Variants in EPB41L5 observed in about 807,000 individuals in gnomAD.
EPB41L5 encodes the protein band 4.1-like protein 5.
A neutral mutation model predicts 106.6 loss-of-function variants in EPB41L5; 55 were observed. That is an observed-to-expected ratio of 0.52 (90% CI 0.42 to 0.65). The LOEUF (loss-of-function observed/expected upper bound fraction) is 0.65. Ranked by LOEUF, EPB41L5 falls within the 30% of genes least tolerant of loss-of-function variation. EPB41L5 has a pLI of 0.00. For missense variants in EPB41L5, 871 were observed against 882.1 expected (o/e 0.99, Z 0.16); for synonymous variants, 297 against 306.7 (o/e 0.97, Z 0.33).
chr2:120,111,920 G>A (rs1300860886), intron 16 of EPB41L5, among the ~76,000 whole-genome samples: 2 of 151,902 alleles, frequency 1.3e-5, no homozygotes, highest in African/African-American at 4.8e-5. Context: ...TCTTATACTT[G>A]CTCAAACATA....
At chr2:120,062,797 G>A (rs1251678855) in intron 3 of EPB41L5, among the ~76,000 whole-genome samples, 2 of 151,962 alleles carry the variant, frequency 1.3e-5, no homozygotes, top group African/African-American at 4.8e-5. Context: ...AAAGGTTTAA[G>A]TGAGGTCTAG....
At chr2:120,105,311 T>G in intron 16 of EPB41L5, 2 of 958,696 alleles carry the variant, frequency 2.1e-6, no homozygotes, top group Non-Finnish European at 2.5e-6. Context: ...TTTTAAACTA[T>G]GTACATAGAA....
intron 20 of EPB41L5, among the ~76,000 whole-genome samples, chr2:120,153,094 G>A (rs2105517754): frequency 6.6e-6 from 1 of 152,106 alleles, no homozygotes; most frequent in East Asian, 1.9e-4. Flanking sequence ...TGTAAAGTTA[G>A]GTTATTGATT....
In EPB41L5 at chr2:120,091,761, G is replaced by A. The variant is rs1683427550; in HGVS notation, c.1150+100G>A. 4.6e-6 allele frequency: 4 copies of A among 868,618 alleles called. No individual in the cohort carries two copies. The South Asian group carries it at 5.2e-5, about 11-fold the overall frequency. The allele number at this position is 868,618 out of a possible 1,614,324, so 53.8% of individuals were successfully genotyped here. A position where few individuals can be genotyped will look rare whatever the true frequency, so the allele number is the denominator to read the frequency against. On this transcript the variant is annotated intron_variant, in intron 13 of 24. Coordinates refer to ENST00000263713, the MANE Select transcript of EPB41L5 (RefSeq NM_020909.4). ...GGAAGTTACCTGAATCTCCTCCTCA[G>A]GTCTGTTCCAGTCAACTAAAGTACT...
At chr2:120,159,390 C>T (rs1184948234) in intron 20 of EPB41L5, among the ~76,000 whole-genome samples, 7 of 146,064 alleles carry the variant, frequency 4.8e-5, no homozygotes, top group Admixed American at 1.4e-4. Context: ...GCCACTGCAC[C>T]CCAGCCTGGG....
chr2:120,113,105 C>A (rs1403300332), intron 16 of EPB41L5, among the ~76,000 whole-genome samples: 1 of 152,192 alleles, frequency 6.6e-6, no homozygotes, highest in East Asian at 1.9e-4. Context: ...TGCCTCCATT[C>A]TATGTAATTG....
intron 3 of EPB41L5, among the ~76,000 whole-genome samples, chr2:120,043,713 C>T (rs189107642): frequency 1.7e-3 from 259 of 152,194 alleles, no homozygotes; most frequent in Non-Finnish European, 2.7e-3. Context: ...CCACTACACT[C>T]CTAACCTGGG....
intron 14 of EPB41L5, among the ~76,000 whole-genome samples, chr2:120,095,946 A>T (rs1212593252): frequency 6.6e-6 from 1 of 152,182 alleles, no homozygotes; most frequent in East Asian, 1.9e-4. Context: ...CTAGGATTAC[A>T]GGTGTGAACC....
At position 120,042,243 on chromosome 2, in the gene EPB41L5, C is replaced by G. The variant is rs570000824; in HGVS notation, c.285+133C>G. 2.2e-5 allele frequency: 12 copies of G among 550,200 alleles called. No homozygotes were observed. The South Asian group carries it at 3.5e-4, about 16-fold the overall frequency. 34.1% of individuals were successfully genotyped at this position (550,200 alleles called of 1,614,324 possible). A position where few individuals can be genotyped will look rare whatever the true frequency, so the allele number is the denominator to read the frequency against. On this transcript the variant is annotated intron_variant, in intron 3 of 24. Coordinates refer to ENST00000263713, the MANE Select transcript of EPB41L5 (RefSeq NM_020909.4). ...ATAAAGCTTTGACACCGCTCCCTCC[C>G]CCCACCTCCTTGCTTTAGCATCACC... is the stretch of plus-strand genomic sequence containing the variant.
intron 3 of EPB41L5, among the ~76,000 whole-genome samples, chr2:120,047,664 G>T: frequency 6.6e-6 from 1 of 152,048 alleles, no homozygotes; most frequent in East Asian, 1.9e-4. Context: ...TCTTTCTCCT[G>T]CCTGATTGCC....
intron 16 of EPB41L5, among the ~76,000 whole-genome samples, chr2:120,125,730 A>G (rs188480288): frequency 6.6e-6 from 1 of 152,172 alleles, no homozygotes; most frequent in African/African-American, 2.4e-5. Flanking sequence ...TTATGGCCTG[A>G]TGTGGTGCTC....
chr2:120,014,878 C>T (rs1426348516), intron 1 of EPB41L5, among the ~76,000 whole-genome samples: 2 of 150,388 alleles, frequency 1.3e-5, no homozygotes, highest in Non-Finnish European at 2.9e-5. Flanking sequence ...TTGTGGTTGC[C>T]AAAAATCCAG....
At chr2:120,066,887 G>T (rs968067145) in intron 3 of EPB41L5, among the ~76,000 whole-genome samples, 1 of 152,198 alleles carries the variant, frequency 6.6e-6, no homozygotes, top group African/African-American at 2.4e-5. Context: ...GGAATATTTG[G>T]ATATTGGATT....
intron 2 of EPB41L5, among the ~76,000 whole-genome samples, chr2:120,020,969 A>G (rs931133131): frequency 5.3e-5 from 8 of 152,220 alleles, no homozygotes; most frequent in Non-Finnish European, 1.2e-4. Flanking sequence ...GCTTGATCAA[A>G]TTTATAAACT....
In EPB41L5 at chr2:120,160,977, A is replaced by G; in HGVS notation, c.1887+3A>G. On this transcript the variant is annotated splice_donor_region_variant and intron_variant, in intron 21 of 24. Transcript: ENST00000263713. ...CCGACAGTGGTTCTGTTCTAAAGGT[A>G]AGAATACTTTTACTTCTTAAAATTT... 1 of 1,610,984 alleles carries G rather than the reference A, an allele frequency of 6.2e-7. No individual in the cohort carries two copies. The highest frequency in any genetic ancestry group is 8.5e-7 in the Non-Finnish European group (1 of 1,177,252).
intron 3 of EPB41L5, among the ~76,000 whole-genome samples, chr2:120,070,381 C>T (rs1037348475): frequency 1.3e-5 from 2 of 152,182 alleles, no homozygotes; most frequent in East Asian, 1.9e-4. Flanking sequence ...GACAGATTCA[C>T]AGCCGAATTC....
At chr2:120,169,109 A>C (rs1294935941) in intron 24 of EPB41L5, among the ~76,000 whole-genome samples, 3 of 152,222 alleles carry the variant, frequency 2.0e-5, no homozygotes, top group Non-Finnish European at 2.9e-5. Context: ...CATGGAAAGG[A>C]GTAATAAAGG....
At chr2:120,074,223 T>C (rs1409496524) in intron 5 of EPB41L5, 45 bp downstream of exon 5, 1 of 1,434,034 alleles carries the variant, frequency 7.0e-7, no homozygotes, top group Non-Finnish European at 9.7e-7. Flanking sequence ...TTTGATAGTT[T>C]TGAAAGACTG....
intron 3 of EPB41L5, among the ~76,000 whole-genome samples, chr2:120,070,821 A>G (rs1209284552): frequency 2.6e-5 from 4 of 152,220 alleles, no homozygotes; most frequent in African/African-American, 7.2e-5. Flanking sequence ...TAAACTAGGT[A>G]TTGATAGAAA....
Sources: gnomAD v4.1 joint callset for allele counts (sites outside exome capture counted in the v4.1 genomes callset) on GRCh38, gnomAD v4.1.1 for gene constraint, MANE v1.5 for transcripts, NCBI Gene and HGNC (gene_info 2026-07-23, HGNC 2026-07-21) for gene names.